Variants in AGTPBP1 observed in about 807,000 individuals in gnomAD.
AGTPBP1 encodes ATP/GTP binding carboxypeptidase 1.
A neutral mutation model predicts 143.9 loss-of-function variants in AGTPBP1; 70 were observed. That is an observed-to-expected ratio of 0.49 (90% CI 0.40 to 0.59). The LOEUF (loss-of-function observed/expected upper bound fraction) is 0.59, where lower values mean the gene tolerates loss of function less well. AGTPBP1 is among the 20% of genes least tolerant of loss of function. The pLI is 0.00. For synonymous variants in AGTPBP1, 463 were observed against 500.2 expected (o/e 0.93, Z 0.99); for missense variants, 1,229 against 1,464.5 (o/e 0.84, Z 2.62).
At chr9:85,804,347 C>CT in the AGTPBP1 span, among the ~76,000 whole-genome samples, 1 of 152,128 alleles carries the variant, frequency 6.6e-6, no homozygotes, top group Non-Finnish European at 1.5e-5. Flanking sequence ...AAAACTCTCC[C>CT]TGTCTCCTTC....
the AGTPBP1 span, among the ~76,000 whole-genome samples, chr9:85,759,307 A>T: frequency 1.4e-4 from 21 of 152,328 alleles, no homozygotes; most frequent in African/African-American, 4.8e-4. Flanking sequence ...CCCCACATCA[A>T]CACAATATAC....
At chr9:85,790,191 T>C in the AGTPBP1 span, among the ~76,000 whole-genome samples, 1 of 152,234 alleles carries the variant, frequency 6.6e-6, no homozygotes, top group Non-Finnish European at 1.5e-5. Flanking sequence ...GAGATCCATT[T>C]GCAATAAGCA....
At chr9:85,725,245 T>G (rs938943109) in intron 1 of AGTPBP1, among the ~76,000 whole-genome samples, 1 of 151,938 alleles carries the variant, frequency 6.6e-6, no homozygotes, top group Non-Finnish European at 1.5e-5. Flanking sequence ...CAACCTGGAG[T>G]CCACAAGATA....
At chr9:85,735,144 G>A (rs112426483) in intron 1 of AGTPBP1, among the ~76,000 whole-genome samples, 1 of 152,088 alleles carries the variant, frequency 6.6e-6, no homozygotes, top group Non-Finnish European at 1.5e-5. Context: ...ATTCATCAAC[G>A]GATGAATGCA....
At chr9:85,759,694 A>C in the AGTPBP1 span, among the ~76,000 whole-genome samples, 1 of 152,208 alleles carries the variant, frequency 6.6e-6, no homozygotes, top group Non-Finnish European at 1.5e-5. Context: ...TAACAGCCTA[A>C]CATCACAATT....
In AGTPBP1 at chr9:85,710,702, A is replaced by C. The variant is rs140304486; in HGVS notation, c.32+1800T>G. ...ACAACAACAACAACAACAACAACAA[A>C]AAAAACAAATATCCAATAAAATATA... is the stretch of plus-strand genomic sequence containing the variant. On this transcript the variant is annotated intron_variant, in intron 2 of 25. Transcript: ENST00000357081. Among the ~76,000 whole-genome samples the C allele has an allele frequency of 6.8e-3, 1,020 of 149,940 alleles. 11 individuals are homozygous for C. The highest frequency in any genetic ancestry group is 0.021 in the Middle Eastern group (6 of 282).
chr9:85,671,461 C>A lies in AGTPBP1; in HGVS notation c.568+1089G>T, dbSNP rs1834478097. Among the ~76,000 whole-genome samples, 3 of 151,946 alleles carry A rather than the reference C, an allele frequency of 2.0e-5. No individual in the cohort carries two copies. The South Asian group carries it at 6.2e-4, about 32-fold the overall frequency. On this transcript the variant is annotated intron_variant, in intron 7 of 25. Transcript: ENST00000357081. ...TTATTTAAGTGTTCTAAGCTGTTTT[C>A]CACAGAGCACACCTTTAGCCATATT...
At chr9:85,692,926 A>C in intron 2 of AGTPBP1, 113 bp from the exon 3 acceptor site, 1 of 1,190,606 alleles carries the variant, frequency 8.4e-7, no homozygotes, top group Non-Finnish European at 1.2e-6. Flanking sequence ...GAAAGCATTT[A>C]CACGTCGCAC....
At chr9:85,706,492 ATGGTG>A in intron 2 of AGTPBP1, among the ~76,000 whole-genome samples, 2 of 149,114 alleles carry the variant, frequency 1.3e-5, no homozygotes, top group Non-Finnish European at 3.0e-5. Context: ...CCTGGGCCAC[ATGGTG>A]GGACTCTGTC....
the AGTPBP1 span, among the ~76,000 whole-genome samples, chr9:85,763,778 G>A: frequency 5.1e-4 from 77 of 152,188 alleles, no homozygotes; most frequent in African/African-American, 1.7e-3. Flanking sequence ...GAAGGTGGCC[G>A]TCTGGGAGTA....
At chr9:85,783,629 TTTTTTTGTTTG>T in the AGTPBP1 span, among the ~76,000 whole-genome samples, 2 of 152,228 alleles carry the variant, frequency 1.3e-5, no homozygotes, top group Admixed American at 6.5e-5. Flanking sequence ...TGCATTGTTT[TTTTTTTGTTTG>T]TTTTTTGTTT....
chr9:85,638,794 A>G (rs577170135), intron 13 of AGTPBP1, among the ~76,000 whole-genome samples: 12 of 152,060 alleles, frequency 7.9e-5, no homozygotes, highest in Non-Finnish European at 1.3e-4. Context: ...ATATATAACA[A>G]AAAACTAACA....
intron 18 of AGTPBP1, among the ~76,000 whole-genome samples, chr9:85,593,362 T>TA (rs1472750387): frequency 1.3e-5 from 2 of 152,056 alleles, no homozygotes; most frequent in East Asian, 3.9e-4. Flanking sequence ...ATGAGAAATT[T>TA]AAAAAAAGAG....
chr9:85,797,138 A>G, the AGTPBP1 span, among the ~76,000 whole-genome samples: 3 of 150,940 alleles, frequency 2.0e-5, no homozygotes, highest in Admixed American at 6.6e-5. Flanking sequence ...CTTTTTTCTG[A>G]GACTGGATCT....
chr9:85,694,385 C>T (rs1564153431), intron 2 of AGTPBP1, among the ~76,000 whole-genome samples: 1 of 152,054 alleles, frequency 6.6e-6, no homozygotes, highest in Non-Finnish European at 1.5e-5. Flanking sequence ...TCTGATATTC[C>T]TCCAAAGAGA....
intron 4 of AGTPBP1, 117 bp from the exon 5 acceptor site, chr9:85,678,515 AGGTATTCAGGT>A: frequency 1.9e-6 from 1 of 529,768 alleles, no homozygotes; most frequent in Non-Finnish European, 3.2e-6. Flanking sequence ...CTAGGAACAA[AGGTATTCAGGT>A]TTTCACTATT....
intron 2 of AGTPBP1, among the ~76,000 whole-genome samples, chr9:85,697,941 C>T (rs1035211901): frequency 3.3e-5 from 5 of 152,146 alleles, no homozygotes; most frequent in Non-Finnish European, 7.3e-5. Context: ...ATATATAAGT[C>T]ACCACAATCT....
chr9:85,621,411 A>C (rs1830927842), intron 14 of AGTPBP1, 126 bp from the exon 15 acceptor site: 1 of 393,608 alleles, frequency 2.5e-6, no homozygotes, highest in East Asian at 3.9e-5. Flanking sequence ...TTATTCCTCT[A>C]TCTATATATT....
At chr9:85,654,095 CTAATA>C (rs1201962519) in intron 11 of AGTPBP1, among the ~76,000 whole-genome samples, 2 of 152,034 alleles carry the variant, frequency 1.3e-5, no homozygotes, top group African/African-American at 2.4e-5. Flanking sequence ...GATAATGAAA[CTAATA>C]TAATTCCTTG....
Sources: allele counts gnomAD v4.1 joint callset (sites outside exome capture counted in the v4.1 genomes callset), GRCh38; gene constraint gnomAD v4.1.1; transcripts MANE v1.5; gene names NCBI Gene and HGNC (gene_info 2026-07-23, HGNC 2026-07-21).